Variants in CLIP4 observed in about 807,000 individuals in gnomAD.
CLIP4 encodes the protein CAP-Gly domain containing linker protein family member 4, also known as CAP-Gly domain-containing linker protein 4.
A neutral mutation model predicts 73.1 loss-of-function variants in CLIP4; 47 were observed. That is an observed-to-expected ratio of 0.64 (90% CI 0.51 to 0.82). The LOEUF (loss-of-function observed/expected upper bound fraction) is 0.82. CLIP4 is among the 40% of genes least tolerant of loss of function. CLIP4 has a pLI of 0.00. For missense variants in CLIP4, 874 were observed against 852.9 expected, an observed-to-expected ratio of 1.02 and a Z score of -0.31; for synonymous variants, 306 against 295.4, an observed-to-expected ratio of 1.04 and a Z score of -0.37.
At chr2:29,168,609 G>A (rs1181748777) in intron 14 of CLIP4, among the ~76,000 whole-genome samples, 1 of 128,458 alleles carries the variant, frequency 7.8e-6, no homozygotes, top group African/African-American at 2.9e-5. Flanking sequence ...CGCAAGCTCC[G>A]CCTCCCAGGT....
chr2:29,137,377 G>C (rs1033788384), intron 6 of CLIP4, among the ~76,000 whole-genome samples: 1 of 152,174 alleles, frequency 6.6e-6, no homozygotes, highest in African/African-American at 2.4e-5. Flanking sequence ...TTAAATGACT[G>C]TGTAGTATGC....
In CLIP4 at chr2:29,131,267, T is replaced by C; in HGVS notation, c.143T>C (p.Phe48Ser). ...APMPSDCEFS[F>S]FDPNDASCQE... ...TCTTTTTTTATTTCAGAATTTTCTTTCTTTGATCCTAATGATGCATCATGC... is the reference window on the plus strand; with the variant it reads ...TCTTTTTTTATTTCAGAATTTTCTTCCTTTGATCCTAATGATGCATCATGC... Residue 48 changes from phenylalanine to serine, a missense_variant, in exon 3 of 16, where the codon TTC (phenylalanine) becomes TCC (serine). Transcript: ENST00000320081. 6.3e-7 allele frequency: 1 copy of C among 1,595,858 alleles called. No homozygotes were observed. The highest frequency in any genetic ancestry group is 8.5e-7 in the Non-Finnish European group (1 of 1,173,234).
chr2:29,129,929 A>G, intron 2 of CLIP4: 1 of 457,470 alleles, frequency 2.2e-6, no homozygotes, highest in Non-Finnish European at 4.6e-6. Flanking sequence ...CCATCTTTGC[A>G]TTAGATTCTC....
chr2:29,113,431 T>C (rs1448395381), upstream of CLIP4, among the ~76,000 whole-genome samples: 3 of 152,238 alleles, frequency 2.0e-5, no homozygotes, highest in Non-Finnish European at 2.9e-5. This position sits in a 1 kb window ranked among gnomAD's most constrained non-coding sequence, Gnocchi z 4.0. Context: ...TCTGGTTAAC[T>C]GGGCAATACC....
intron 11 of CLIP4, 46 bp from the exon 12 acceptor site, chr2:29,160,287 T>G: frequency 6.2e-7 from 1 of 1,613,226 alleles, no homozygotes; most frequent in African/African-American, 1.3e-5. Context: ...TTGTTTTTTC[T>G]CCTCTTTTCC....
intron 14 of CLIP4, 114 bp from the exon 15 acceptor site, chr2:29,174,259 T>C: frequency 3.1e-6 from 3 of 953,770 alleles, no homozygotes; most frequent in Non-Finnish European, 4.7e-6. Flanking sequence ...CCTGCTGTTT[T>C]GAAAGAAACA....
At chr2:29,148,821 G>C (rs1666350574) in intron 8 of CLIP4, among the ~76,000 whole-genome samples, 1 of 152,170 alleles carries the variant, frequency 6.6e-6, no homozygotes, top group Non-Finnish European at 1.5e-5. Flanking sequence ...CAGTTTGTTG[G>C]TTGACTTGTT....
intron 2 of CLIP4, 109 bp downstream of exon 2, chr2:29,121,630 A>G: frequency 7.8e-7 from 1 of 1,280,738 alleles, no homozygotes; most frequent in South Asian, 1.4e-5. Flanking sequence ...GGTTTTCATA[A>G]AATTGCTAAA....
intron 6 of CLIP4, among the ~76,000 whole-genome samples, chr2:29,141,179 G>C (rs1310566559): frequency 6.6e-6 from 1 of 152,020 alleles, no homozygotes; most frequent in African/African-American, 2.4e-5. Flanking sequence ...TTTACTCCAC[G>C]GTGGTCCAAG....
At position 29,143,853 on chromosome 2, in the gene CLIP4, A is replaced by G. The variant is rs751811586; in HGVS notation, c.793A>G (p.Met265Val). Residue 265 changes from methionine (M) to valine (V), a missense_variant, in exon 7 of 16, where the codon ATG becomes GTG. Transcript: ENST00000320081. ...TCTGTCATGTAACATCTCAAAGGCC[A>G]TGCTCCCAAATTATGATCATGTCAC... is the stretch of plus-strand genomic sequence containing the variant. ...VPLSCNISKA[M>V]LPNYDHVTGK... 3 of 1,614,074 alleles carry G rather than the reference A, an allele frequency of 1.9e-6. No homozygotes were observed. Among genetic ancestry groups the G allele is most frequent in the East Asian group, 2.2e-5 (1 of 44,894 alleles).
chr2:29,180,766 A>G (rs1388639733), intron 15 of CLIP4, among the ~76,000 whole-genome samples: 2 of 152,016 alleles, frequency 1.3e-5, no homozygotes, highest in African/African-American at 2.4e-5. Flanking sequence ...GCGTTATTTG[A>G]TAATACTGGT....
chr2:29,167,516 A>C lies in CLIP4; in HGVS notation c.1699A>C (p.Asn567His). The C allele has an allele frequency of 6.2e-7, 1 of 1,608,718 alleles. No individual in the cohort carries two copies. The highest frequency in any genetic ancestry group is 8.5e-7 in the Non-Finnish European group (1 of 1,177,470). The part of the protein sequence containing the change: ...SLDTLSEISS[N>H]KQNHSYPGFR... ...GGATACCCTTTCAGAAATTTCTTCA[A>C]ATAAACAGAACCATTCTTATCCTGG... is the stretch of plus-strand genomic sequence containing the variant. The change falls in exon 14 of 16, where the codon AAT (asparagine) becomes CAT (histidine). Residue 567 changes from asparagine (N) to histidine (H), a missense_variant. Asn to His is a moderately conservative substitution (Grantham distance 68, BLOSUM62 1). Coordinates refer to ENST00000320081, the MANE Select transcript of CLIP4 (RefSeq NM_024692.6).
intron 2 of CLIP4, among the ~76,000 whole-genome samples, chr2:29,126,140 C>T (rs1037247710): frequency 2.0e-5 from 3 of 152,142 alleles, no homozygotes; most frequent in African/African-American, 4.8e-5. Flanking sequence ...TCACTGAGAT[C>T]GGCCACTGCA....
At chr2:29,162,221 G>A (rs1373424633) in intron 12 of CLIP4, among the ~76,000 whole-genome samples, 3 of 152,092 alleles carry the variant, frequency 2.0e-5, no homozygotes, top group Non-Finnish European at 2.9e-5. Flanking sequence ...CTAATGTAAA[G>A]CATTTAGAAA....
At chr2:29,114,401 T>G (rs891355394), upstream of CLIP4, 4 of 151,924 alleles carry the variant, frequency 2.6e-5, no homozygotes, top group Non-Finnish European at 4.4e-5. Context: ...GACTTAAGAG[T>G]CCCCAGGGCA....
At chr2:29,165,197 GT>G (rs1164627345) in intron 13 of CLIP4, among the ~76,000 whole-genome samples, 2 of 152,088 alleles carry the variant, frequency 1.3e-5, no homozygotes, top group African/African-American at 4.8e-5. Flanking sequence ...CAGCCCAGGT[GT>G]GTTACTTTGT....
At chr2:29,113,837 C>A (rs1668446347), upstream of CLIP4, among the ~76,000 whole-genome samples, 1 of 152,202 alleles carries the variant, frequency 6.6e-6, no homozygotes, top group Non-Finnish European at 1.5e-5. This position sits in a 1 kb window ranked among gnomAD's most constrained non-coding sequence, Gnocchi z 4.0. Context: ...GGTTCAATGA[C>A]AATTGGCCTC....
chr2:29,180,316 A>T (rs1292229954), intron 15 of CLIP4, among the ~76,000 whole-genome samples: 1 of 152,158 alleles, frequency 6.6e-6, no homozygotes. Flanking sequence ...CTTGCAGTGG[A>T]CAGTGCAGGC....
intron 8 of CLIP4, among the ~76,000 whole-genome samples, chr2:29,150,892 T>A (rs3112917): frequency 0.47 from 71,339 of 151,418 alleles, 17,746 homozygotes; most frequent in Non-Finnish European, 0.55. Flanking sequence ...ATGGCTGGGA[T>A]TACAGATGTG....
Sources: gnomAD v4.1 joint callset for allele counts (sites outside exome capture counted in the v4.1 genomes callset) on GRCh38, gnomAD v4.1.1 for gene constraint, Gnocchi (gnomAD v3.1) non-coding constraint, MANE v1.5 for transcripts, NCBI Gene and HGNC (gene_info 2026-07-23, HGNC 2026-07-21) for gene names.